The following GABRB3 variants were observed in gnomAD, a reference collection of about 807,000 sequenced individuals.
The protein encoded by GABRB3 is gamma-aminobutyric acid type A receptor subunit beta3, also known as gamma-aminobutyric acid receptor subunit beta-3.
GABRB3 carries 14 observed loss-of-function variants against 52.1 expected under a neutral mutation model. The ratio of observed to expected loss-of-function variants is 0.27; its 90% CI spans 0.18 to 0.42. The LOEUF (loss-of-function observed/expected upper bound fraction) is 0.42, where lower values mean the gene tolerates loss of function less well. GABRB3 is among the 10% of genes least tolerant of loss of function. The pLI is 1.00. For missense variants in GABRB3, 307 were observed against 609.1 expected, an observed-to-expected ratio of 0.50 and a Z score of 5.22; for synonymous variants, 260 against 232.3, an observed-to-expected ratio of 1.12 and a Z score of -1.08.
intron 7 of GABRB3, among the ~76,000 whole-genome samples, chr15:26,562,576 C>G (rs2140683604): frequency 6.6e-6 from 1 of 152,308 alleles, no homozygotes; most frequent in African/African-American, 2.4e-5. Flanking sequence ...GCACATGGTC[C>G]CAGCCCAGCC....
intron 3 of GABRB3, among the ~76,000 whole-genome samples, chr15:26,669,490 ACTTC>A (rs922934530): frequency 3.6e-4 from 54 of 151,944 alleles, no homozygotes; most frequent in African/African-American, 1.3e-3. Flanking sequence ...TTATCATTTC[ACTTC>A]CTTAATTATT....
rs903453962 is a variant in GABRB3, at chr15:26,709,401, C to T, written c.240+63001G>A. Among the ~76,000 whole-genome samples, 86 of 152,146 alleles carry T rather than the reference C, an allele frequency of 5.7e-4. 1 individual carries two copies. The highest frequency in any genetic ancestry group is 1.9e-3 in the African/African-American group (78 of 41,470). ...ATAGGACATGCTGACCCTCCTTCTACTTCTGCCATGATTGGAAGCTTCCTG... is the reference window on the plus strand; with the variant it reads ...ATAGGACATGCTGACCCTCCTTCTATTTCTGCCATGATTGGAAGCTTCCTG... On this transcript the variant is annotated intron_variant, in intron 3 of 8. Transcript: ENST00000311550.
chr15:26,768,907 C>G (rs2140194131), intron 3 of GABRB3, among the ~76,000 whole-genome samples: 1 of 152,206 alleles, frequency 6.6e-6, no homozygotes, highest in Non-Finnish European at 1.5e-5. Flanking sequence ...AAAACCAATG[C>G]TAAATATTAA....
intron 3 of GABRB3, among the ~76,000 whole-genome samples, chr15:26,635,496 C>G (rs35456561): frequency 0.34 from 51,445 of 150,328 alleles, 10,920 homozygotes; most frequent in Middle Eastern, 0.53. Flanking sequence ...TTCTCTGAAT[C>G]CCTTCAAGAG....
chr15:26,608,692 T>C (rs576907635), intron 4 of GABRB3, among the ~76,000 whole-genome samples: 1 of 151,888 alleles, frequency 6.6e-6, no homozygotes, highest in Non-Finnish European at 1.5e-5. Context: ...ACAAGACATA[T>C]GAAAAGAAGT....
intron 3 of GABRB3, among the ~76,000 whole-genome samples, chr15:26,736,268 T>C (rs183249016): frequency 6.6e-6 from 1 of 152,226 alleles, no homozygotes; most frequent in Non-Finnish European, 1.5e-5. Context: ...AATAAATAAT[T>C]TTTTAAATAA....
At chr15:26,561,249 G>A (rs1889975064) in intron 7 of GABRB3, 73 bp from the exon 8 acceptor site, 3 of 1,600,066 alleles carry the variant, frequency 1.9e-6, no homozygotes, top group Non-Finnish European at 2.6e-6. Context: ...TTCCTTTTAT[G>A]TTTTCTCAAA....
At position 26,763,605 on chromosome 15, in the gene GABRB3, G is replaced by C. The variant is rs370176627; in HGVS notation, c.240+8797C>G. Among the ~76,000 whole-genome samples, 5 of 29,552 alleles carry C rather than the reference G, an allele frequency of 1.7e-4. No homozygotes were observed. In the South Asian group the frequency reaches 8.7e-3, roughly 52 times the overall value. The allele number at this position is 29,552 out of a possible 152,430, so 19.4% of individuals were successfully genotyped here. Reference sequence around the variant, plus strand: ...TTCACAACCATTTTTGGTCTGCATAGATACACACACACACACACACACACA... The same window carrying C: ...TTCACAACCATTTTTGGTCTGCATACATACACACACACACACACACACACA... On this transcript the variant is annotated intron_variant, in intron 3 of 8. Transcript: ENST00000311550.
intron 3 of GABRB3, chr15:26,624,785 G>T: frequency 2.0e-6 from 2 of 985,502 alleles, no homozygotes; most frequent in South Asian, 4.7e-5. Flanking sequence ...CAAAGGGAAG[G>T]GGGTGGTGGA....
chr15:26,631,587 G>GAT (rs1892914164), intron 3 of GABRB3, among the ~76,000 whole-genome samples: 1 of 152,196 alleles, frequency 6.6e-6, no homozygotes, highest in Non-Finnish European at 1.5e-5. Flanking sequence ...CTCAGGTCAG[G>GAT]GAAGATGGAA....
At chr15:26,607,125 T>C (rs2140511289) in intron 4 of GABRB3, among the ~76,000 whole-genome samples, 1 of 152,282 alleles carries the variant, frequency 6.6e-6, no homozygotes, top group South Asian at 2.1e-4. Context: ...TACCTCACTT[T>C]ACCTTTTTTG....
At chr15:26,579,336 A>C in intron 6 of GABRB3, among the ~76,000 whole-genome samples, 1 of 152,194 alleles carries the variant, frequency 6.6e-6, no homozygotes, top group East Asian at 1.9e-4. Flanking sequence ...CCAGCCACTT[A>C]ATCCAGCCTG....
At chr15:26,748,632 TG>T (rs990276433) in intron 3 of GABRB3, among the ~76,000 whole-genome samples, 2 of 152,216 alleles carry the variant, frequency 1.3e-5, no homozygotes, top group African/African-American at 2.4e-5. Context: ...TAATTGATTT[TG>T]GGGGGCAAGA....
chr15:26,670,526 G>T (rs1281537181), intron 3 of GABRB3, among the ~76,000 whole-genome samples: 1 of 152,190 alleles, frequency 6.6e-6, no homozygotes, highest in Non-Finnish European at 1.5e-5. Flanking sequence ...GCCCAGGCCC[G>T]TGCCGACCGC....
chr15:26,581,801 G>A (rs1431681971), intron 5 of GABRB3, among the ~76,000 whole-genome samples: 3 of 152,192 alleles, frequency 2.0e-5, no homozygotes, highest in Non-Finnish European at 4.4e-5. Flanking sequence ...CACTCACTAT[G>A]CTTTTATCAG....
chr15:26,619,231 T>C (rs368260178), intron 4 of GABRB3, among the ~76,000 whole-genome samples: 1 of 151,774 alleles, frequency 6.6e-6, no homozygotes, highest in Non-Finnish European at 1.5e-5. Context: ...ATGTTTATTG[T>C]GGCACTATTC....
chr15:26,567,086 A>T (rs1890205247), intron 7 of GABRB3, among the ~76,000 whole-genome samples: 1 of 152,252 alleles, frequency 6.6e-6, no homozygotes, highest in African/African-American at 2.4e-5. Flanking sequence ...CTAATAATCC[A>T]GCTGTCAAAT....
intron 3 of GABRB3, among the ~76,000 whole-genome samples, chr15:26,711,953 G>A (rs143238525): frequency 1.3e-5 from 2 of 152,184 alleles, no homozygotes; most frequent in African/African-American, 4.8e-5. Flanking sequence ...TTTTAGTATC[G>A]ATCTGAGTAC....
At chr15:26,655,509 A>G (rs1347329073) in intron 3 of GABRB3, among the ~76,000 whole-genome samples, 3 of 152,038 alleles carry the variant, frequency 2.0e-5, no homozygotes, top group Non-Finnish European at 2.9e-5. Flanking sequence ...TTGGGAGGCC[A>G]AGGCAGGCGG....
Sources: allele counts gnomAD v4.1 joint callset (sites outside exome capture counted in the v4.1 genomes callset), GRCh38; gene constraint gnomAD v4.1.1; transcripts MANE v1.5; gene names NCBI Gene and HGNC (gene_info 2026-07-23, HGNC 2026-07-21).